The following RNF38 variants were observed in gnomAD, a reference collection of about 807,000 sequenced individuals.
RNF38 encodes the protein E3 ubiquitin-protein ligase RNF38.
In RNF38, 15 loss-of-function variants were observed where a neutral mutation model predicts 67.2. That is an observed-to-expected ratio of 0.22 (90% confidence interval 0.15 to 0.34). The LOEUF (loss-of-function observed/expected upper bound fraction) is 0.34. Among genes scored for constraint, RNF38 ranks in the 10% least tolerant of loss-of-function variants. The pLI is 1.00. For missense variants in RNF38, 524 were observed against 639.9 expected, an observed-to-expected ratio of 0.82 and a Z score of 1.95; for synonymous variants, 220 against 218.8, an observed-to-expected ratio of 1.01 and a Z score of -0.05.
chr9:36,487,395 C>A, exon 1 of RNF38: 1 of 982,324 alleles, frequency 1.0e-6, no homozygotes, highest in African/African-American at 1.8e-5. Flanking sequence ...CGGTCCGTGG[C>A]GGCGGGCTCC....
chr9:36,385,926 A>G (rs1457998869), intron 2 of RNF38, among the ~76,000 whole-genome samples: 1 of 152,186 alleles, frequency 6.6e-6, no homozygotes, highest in African/African-American at 2.4e-5. Flanking sequence ...CACTTCTTCA[A>G]GCATCTCGAC....
chr9:36,414,687 CAAA>C (rs549559098), intron 2 of RNF38, among the ~76,000 whole-genome samples: 9 of 70,014 alleles, frequency 1.3e-4, no homozygotes, highest in Admixed American at 3.2e-4. Flanking sequence ...ACTCTGTCTC[CAAA>C]AAAAAAAAAA....
At chr9:36,479,387 GTTCAAT>G (rs1445768154) in intron 1 of RNF38, among the ~76,000 whole-genome samples, 1 of 152,206 alleles carries the variant, frequency 6.6e-6, no homozygotes, top group Admixed American at 6.5e-5. Flanking sequence ...CTCAGTTCTA[GTTCAAT>G]ATCGTTTGTG....
At chr9:36,391,038 T>G (rs1837042168) in intron 1 of RNF38, among the ~76,000 whole-genome samples, 1 of 152,254 alleles carries the variant, frequency 6.6e-6, no homozygotes, top group African/African-American at 2.4e-5. Flanking sequence ...TTAGTTAACC[T>G]TCCAAATAAT....
chr9:36,397,085 AT>A (rs1564040542), intron 1 of RNF38, among the ~76,000 whole-genome samples: 5 of 132,946 alleles, frequency 3.8e-5, no homozygotes, highest in African/African-American at 1.9e-4. Context: ...GTGTGTGTAT[AT>A]ATATATATAT....
intron 1 of RNF38, among the ~76,000 whole-genome samples, chr9:36,436,006 T>A (rs1839057732): frequency 6.7e-6 from 1 of 149,804 alleles, no homozygotes; most frequent in Non-Finnish European, 1.5e-5. Context: ...AACCTATAGA[T>A]TTTTACTTCC....
intron 5 of RNF38, 30 bp downstream of exon 5, chr9:36,357,745 T>C: frequency 6.3e-7 from 1 of 1,598,312 alleles, no homozygotes; most frequent in Non-Finnish European, 8.6e-7. Flanking sequence ...TTAATAGTAA[T>C]ATCTAATGAG....
intron 2 of RNF38, among the ~76,000 whole-genome samples, chr9:36,384,015 C>T (rs758868433): frequency 6.6e-6 from 1 of 152,100 alleles, no homozygotes; most frequent in Non-Finnish European, 1.5e-5. Flanking sequence ...AGGAGGCCTG[C>T]ATGGCTAGTA....
In RNF38 at chr9:36,356,625, A is replaced by C. The variant is rs554138395; in HGVS notation, c.739-152T>G. 1.0e-4 allele frequency: 56 copies of C among 553,938 alleles called. No homozygotes were observed. In the South Asian group the frequency reaches 1.5e-3, roughly 15 times the overall value. The allele number at this position is 553,938 out of a possible 1,614,324, so 34.3% of individuals were successfully genotyped here. ...TATATTAACAATGAAATACCAGTGT[A>C]TTTTTTAATCTACTAGTAAAGTAAT... On this transcript the variant is annotated intron_variant, in intron 5 of 11. Transcript: ENST00000259605.
At chr9:36,473,267 C>G (rs1840040029) in intron 1 of RNF38, among the ~76,000 whole-genome samples, 1 of 151,402 alleles carries the variant, frequency 6.6e-6, no homozygotes, top group African/African-American at 2.4e-5. Context: ...TCAAGTCCAG[C>G]CTGGACAACA....
intron 1 of RNF38, among the ~76,000 whole-genome samples, chr9:36,469,683 A>G (rs779305362): frequency 3.5e-4 from 53 of 151,176 alleles, no homozygotes; most frequent in African/African-American, 7.1e-4. Context: ...AAAAATATAT[A>G]TAATGTTCAA....
chr9:36,350,877 T>C (rs1833642261), intron 9 of RNF38, among the ~76,000 whole-genome samples: 1 of 152,218 alleles, frequency 6.6e-6, no homozygotes, highest in Non-Finnish European at 1.5e-5. Flanking sequence ...GCTCTGAATG[T>C]GGCCCAACAC....
chr9:36,411,157 C>T (rs1438490046), intron 2 of RNF38, among the ~76,000 whole-genome samples: 5 of 67,600 alleles, frequency 7.4e-5, no homozygotes, highest in Non-Finnish European at 1.0e-4. Flanking sequence ...AACTGAACAG[C>T]AAAAAAAAAA....
upstream of RNF38, among the ~76,000 whole-genome samples, chr9:36,403,197 T>C (rs1363500696): frequency 6.6e-6 from 1 of 152,226 alleles, no homozygotes; most frequent in Non-Finnish European, 1.5e-5. Context: ...TGACACCTAA[T>C]GTGGCAGGGG....
chr9:36,392,008 T>C (rs1303223460), intron 1 of RNF38, among the ~76,000 whole-genome samples: 1 of 152,140 alleles, frequency 6.6e-6, no homozygotes, highest in Non-Finnish European at 1.5e-5. Flanking sequence ...CACTAGGTGC[T>C]ATGGAGAAGT....
intron 2 of RNF38, among the ~76,000 whole-genome samples, chr9:36,414,755 C>G (rs372976708): frequency 6.7e-6 from 1 of 150,144 alleles, no homozygotes; most frequent in Non-Finnish European, 1.5e-5. Context: ...TTGGTGGTGT[C>G]GAATTCTCTC....
chr9:36,420,531 C>CAAAAAAAAAAAAAAAAAAAAAAAAAAA (rs1447823341), intron 2 of RNF38, among the ~76,000 whole-genome samples: 5 of 29,008 alleles, frequency 1.7e-4, no homozygotes, highest in South Asian at 1.1e-3. Context: ...GACTCTGTCT[C>CAAAAAAAAAAAAAAAAAAAAAAAAAAA]CAAAAAAAAA....
At chr9:36,450,775 G>A (rs368075170) in intron 1 of RNF38, among the ~76,000 whole-genome samples, 4 of 152,264 alleles carry the variant, frequency 2.6e-5, no homozygotes, top group Middle Eastern at 6.8e-3. Context: ...ATGGCCTGGC[G>A]TGGTGGTTCA....
rs1189813874 is a variant in RNF38, at chr9:36,337,677, A to C, written c.*2075T>G. The C allele has an allele frequency of 6.6e-6, 1 of 152,598 alleles. No individual in the cohort carries two copies. Among genetic ancestry groups the C allele is most frequent in the East Asian group, 1.9e-4 (1 of 5,206 alleles). 9.5% of individuals were successfully genotyped at this position (152,598 alleles called of 1,614,324 possible). On this transcript the variant is annotated 3_prime_UTR_variant, in exon 12 of 12. Transcript: ENST00000259605. ...TTTTTTCATTAAAAAAGATTAAACT[A>C]TATGTGATTTGTATGTAGCTGATTA... is the stretch of plus-strand genomic sequence containing the variant.
Sources: gnomAD v4.1 joint callset for allele counts (sites outside exome capture counted in the v4.1 genomes callset) on GRCh38, gnomAD v4.1.1 for gene constraint, MANE v1.5 for transcripts, NCBI Gene and HGNC (gene_info 2026-07-23, HGNC 2026-07-21) for gene names.